The following MORC1 variants were observed in gnomAD, a reference collection of about 807,000 sequenced individuals.
MORC1 encodes the protein MORC family CW-type zinc finger protein 1.
In MORC1, 59 loss-of-function variants were observed where a neutral mutation model predicts 134.9. The ratio of observed to expected loss-of-function variants is 0.44; its 90% CI spans 0.35 to 0.54. MORC1 has a LOEUF of 0.54. Ranked by LOEUF, MORC1 falls within the 20% of genes least tolerant of loss-of-function variation. MORC1 has a pLI of 0.00. For synonymous variants in MORC1, 395 were observed against 391.7 expected (o/e 1.01, Z -0.10); for missense variants, 947 against 1,134.5 (o/e 0.83, Z 2.37).
chr3:108,960,597 T>C (rs1356713249), intron 27 of MORC1, among the ~76,000 whole-genome samples: 1 of 152,144 alleles, frequency 6.6e-6, no homozygotes, highest in Non-Finnish European at 1.5e-5. Flanking sequence ...AACAATAACA[T>C]CAGCTTATTA....
intron 4 of MORC1, among the ~76,000 whole-genome samples, chr3:109,101,052 G>A (rs1433415701): frequency 6.6e-6 from 1 of 152,198 alleles, no homozygotes; most frequent in Non-Finnish European, 1.5e-5. Flanking sequence ...GTGGCCTTAG[G>A]TAGAGTTTAA....
At chr3:109,086,001 A>T (rs2107743882) in intron 8 of MORC1, among the ~76,000 whole-genome samples, 1 of 152,266 alleles carries the variant, frequency 6.6e-6, no homozygotes, top group East Asian at 1.9e-4. Flanking sequence ...CAGAATGACT[A>T]ATATAACATG....
chr3:109,050,219 T>C (rs1302742589), intron 14 of MORC1, among the ~76,000 whole-genome samples: 4 of 152,218 alleles, frequency 2.6e-5, no homozygotes, highest in Non-Finnish European at 5.9e-5. Context: ...CTATTTCTAA[T>C]TGTCAAATCG....
intron 21 of MORC1, among the ~76,000 whole-genome samples, chr3:108,993,133 C>T (rs552097724): frequency 6.6e-6 from 1 of 152,220 alleles, no homozygotes; most frequent in Non-Finnish European, 1.5e-5. Context: ...AGCCTGTATC[C>T]TTTCCATAAC....
intron 8 of MORC1, among the ~76,000 whole-genome samples, chr3:109,082,451 C>A (rs967552368): frequency 1.3e-5 from 2 of 152,062 alleles, no homozygotes; most frequent in African/African-American, 4.8e-5. Flanking sequence ...GAATCAGTGA[C>A]TGACCCTAGT....
intron 8 of MORC1, among the ~76,000 whole-genome samples, chr3:109,076,108 A>C (rs916250908): frequency 2.6e-5 from 4 of 152,242 alleles, no homozygotes; most frequent in Non-Finnish European, 5.9e-5. Context: ...ACTATCCAGA[A>C]TCTACAAGGA....
chr3:109,039,789 AGAG>A (rs2107628977), intron 14 of MORC1, among the ~76,000 whole-genome samples: 1 of 152,266 alleles, frequency 6.6e-6, no homozygotes, highest in South Asian at 2.1e-4. Context: ...GTATAGATGA[AGAG>A]GTGAAGGCCA....
chr3:109,025,632 C>T (rs1436898620), intron 17 of MORC1, among the ~76,000 whole-genome samples: 1 of 152,126 alleles, frequency 6.6e-6, no homozygotes, highest in East Asian at 1.9e-4. Flanking sequence ...ATCTGCCCAT[C>T]TCAGCCTCCC....
At chr3:109,030,114 T>C (rs768489667) in intron 16 of MORC1, among the ~76,000 whole-genome samples, 17 of 152,214 alleles carry the variant, frequency 1.1e-4, no homozygotes, top group Non-Finnish European at 2.1e-4. Context: ...TGCTGACAAT[T>C]GGCAAATAAC....
chr3:109,043,918 T>C (rs936588205), intron 14 of MORC1, among the ~76,000 whole-genome samples: 2 of 152,176 alleles, frequency 1.3e-5, no homozygotes, highest in Non-Finnish European at 2.9e-5. Flanking sequence ...TAACCCCAAA[T>C]TCATTAACTC....
intron 17 of MORC1, among the ~76,000 whole-genome samples, chr3:109,027,415 A>C (rs1244629633): frequency 6.6e-6 from 1 of 152,208 alleles, no homozygotes; most frequent in East Asian, 1.9e-4. Context: ...CTTTGGAGTT[A>C]CACAAATTTG....
At chr3:109,115,176 A>C (rs1951243364) in intron 1 of MORC1, among the ~76,000 whole-genome samples, 1 of 152,214 alleles carries the variant, frequency 6.6e-6, no homozygotes. Context: ...GGGAATATTC[A>C]GCATGCAATT....
intron 8 of MORC1, among the ~76,000 whole-genome samples, chr3:109,087,541 G>A (rs1396477837): frequency 6.6e-6 from 1 of 151,954 alleles, no homozygotes; most frequent in East Asian, 1.9e-4. Context: ...TTTCCACAAG[G>A]AGAATTACAA....
chr3:109,067,301 T>G (rs1222110546), intron 9 of MORC1, among the ~76,000 whole-genome samples: 1 of 152,140 alleles, frequency 6.6e-6, no homozygotes, highest in African/African-American at 2.4e-5. Flanking sequence ...TAAACAATAT[T>G]TTAAGACTCC....
chr3:109,085,338 G>A (rs1178600859), intron 8 of MORC1, among the ~76,000 whole-genome samples: 1 of 152,128 alleles, frequency 6.6e-6, no homozygotes, highest in Non-Finnish European at 1.5e-5. Flanking sequence ...CAGAATAGGA[G>A]AAAATATTTG....
chr3:109,033,501 A>G (rs1373057629), intron 15 of MORC1, among the ~76,000 whole-genome samples: 2 of 152,082 alleles, frequency 1.3e-5, no homozygotes, highest in African/African-American at 4.8e-5. Context: ...TCCAGGCTAC[A>G]CTTACATTTA....
intron 8 of MORC1, among the ~76,000 whole-genome samples, chr3:109,070,790 A>G (rs1950300204): frequency 6.6e-6 from 1 of 152,212 alleles, no homozygotes; most frequent in Non-Finnish European, 1.5e-5. Flanking sequence ...ATGAAGATGA[A>G]GCCATAAGAA....
intron 10 of MORC1, 137 bp downstream of exon 10, chr3:109,063,015 T>C (rs537450947): frequency 1.4e-5 from 8 of 552,838 alleles, no homozygotes; most frequent in African/African-American, 5.6e-5. Context: ...TGAAGTTCCA[T>C]AGAGACAGAA....
At chr3:109,029,381 A>T (rs1949179729) in intron 16 of MORC1, among the ~76,000 whole-genome samples, 1 of 152,228 alleles carries the variant, frequency 6.6e-6, no homozygotes, top group South Asian at 2.1e-4. Flanking sequence ...TTTTATTCAG[A>T]AGGAAGAAAC....
Sources: allele counts gnomAD v4.1 joint callset (sites outside exome capture counted in the v4.1 genomes callset), GRCh38; gene constraint gnomAD v4.1.1; transcripts MANE v1.5; gene names NCBI Gene and HGNC (gene_info 2026-07-23, HGNC 2026-07-21).